The following CDH19 variants were observed in gnomAD, a reference collection of about 807,000 sequenced individuals.
CDH19 encodes cadherin 19.
A neutral mutation model predicts 64.2 loss-of-function variants in CDH19; 67 were observed. That is an observed-to-expected ratio of 1.04 (90% CI 0.86 to 1.28). CDH19 has a LOEUF of 1.28. Among genes scored for constraint, CDH19 ranks in the 50% most tolerant of loss-of-function variants. The pLI is 0.00. For synonymous variants in CDH19, 346 were observed against 319.3 expected (o/e 1.08, Z -0.89); for missense variants, 1,030 against 929.0 (o/e 1.11, Z -1.41).
intron 7 of CDH19, among the ~76,000 whole-genome samples, chr18:66,541,300 T>C (rs1986876548): frequency 6.6e-6 from 1 of 152,112 alleles, no homozygotes; most frequent in Non-Finnish European, 1.5e-5. Flanking sequence ...TTAGTGTTTC[T>C]CCCACAACAA....
intron 3 of CDH19, among the ~76,000 whole-genome samples, chr18:66,565,030 A>G (rs1184936984): frequency 2.6e-5 from 4 of 151,816 alleles, no homozygotes; most frequent in Non-Finnish European, 2.9e-5. Context: ...AACTATTCTA[A>G]TCACTTATTT....
chr18:66,533,515 T>G (rs1026756968), intron 8 of CDH19, among the ~76,000 whole-genome samples: 5 of 152,066 alleles, frequency 3.3e-5, no homozygotes, highest in Non-Finnish European at 7.4e-5. Context: ...AATAAGAAAT[T>G]CATAATGTTT....
chr18:66,562,693 T>C (rs1374842069), intron 3 of CDH19, among the ~76,000 whole-genome samples: 4 of 152,134 alleles, frequency 2.6e-5, no homozygotes, highest in Non-Finnish European at 5.9e-5. Context: ...GATATATTTT[T>C]CATTTTTATG....
chr18:66,559,343 G>C (rs1387620910), intron 3 of CDH19, among the ~76,000 whole-genome samples: 1 of 151,848 alleles, frequency 6.6e-6, no homozygotes, highest in African/African-American at 2.4e-5. Flanking sequence ...TTTAAGCCTT[G>C]ACAGTAATTA....
At chr18:66,545,281 A>C (rs1489439293) in intron 5 of CDH19, among the ~76,000 whole-genome samples, 3 of 151,900 alleles carry the variant, frequency 2.0e-5, no homozygotes, top group Non-Finnish European at 4.4e-5. Flanking sequence ...CCGGGTCGCA[A>C]TTGTAGCATT....
At chr18:66,569,746 T>C (rs1014214993) in intron 2 of CDH19, among the ~76,000 whole-genome samples, 15 of 151,800 alleles carry the variant, frequency 9.9e-5, no homozygotes, top group Admixed American at 4.6e-4. Flanking sequence ...GGTTCCCTAA[T>C]CATTGTGAAT....
intron 2 of CDH19, among the ~76,000 whole-genome samples, chr18:66,570,087 G>A (rs1203724005): frequency 6.6e-6 from 1 of 151,548 alleles, no homozygotes; most frequent in African/African-American, 2.4e-5. Context: ...ATGCGATGAT[G>A]TAAGAAATTG....
chr18:66,510,738 C>T (rs912206335), intron 10 of CDH19, among the ~76,000 whole-genome samples: 1 of 151,120 alleles, frequency 6.6e-6, no homozygotes, highest in Admixed American at 6.6e-5. Flanking sequence ...TTGTCTGAAA[C>T]ATATTTGAGT....
chr18:66,535,013 T>C lies in CDH19; in HGVS notation c.1309A>G (p.Asn437Asp). The change falls in exon 8 of 12, where the codon AAC (asparagine) becomes GAC (aspartate). Residue 437 changes from asparagine (N) to aspartate (D), a missense_variant. By Grantham distance (23) the Asn-to-Asp change is conservative. Transcript: ENST00000262150. ...TTTTCTGTGGCTGTAATACTTAGGT[T>C]GTACCAAGCACTGATTTCACGATCC... is the stretch of plus-strand genomic sequence containing the variant. ...SLDREISAWY[N>D]LSITATEKYN... 1 of 1,496,214 alleles carries C rather than the reference T, an allele frequency of 6.7e-7. No individual in the cohort carries two copies. Among genetic ancestry groups the C allele is most frequent in the South Asian group, 1.4e-5 (1 of 72,866 alleles). 92.7% of individuals were successfully genotyped at this position (1,496,214 alleles called of 1,614,324 possible). A position where few individuals can be genotyped will look rare whatever the true frequency, so the allele number is the denominator to read the frequency against.
chr18:66,537,046 T>C (rs1490649649), intron 7 of CDH19, among the ~76,000 whole-genome samples: 1 of 151,978 alleles, frequency 6.6e-6, no homozygotes, highest in East Asian at 1.9e-4. Context: ...ACAGCATTTC[T>C]ACATGCTCTT....
At chr18:66,588,279 G>T (rs906250794) in intron 1 of CDH19, among the ~76,000 whole-genome samples, 1 of 152,074 alleles carries the variant, frequency 6.6e-6, no homozygotes, top group African/African-American at 2.4e-5. Flanking sequence ...GGGTTTCTGG[G>T]ATAGGCTCCT....
intron 1 of CDH19, among the ~76,000 whole-genome samples, chr18:66,599,064 T>A (rs1449547590): frequency 6.6e-6 from 1 of 152,146 alleles, no homozygotes; most frequent in Admixed American, 6.5e-5. Flanking sequence ...ATTGTATCAC[T>A]TGTTTTATAT....
intron 8 of CDH19, among the ~76,000 whole-genome samples, chr18:66,533,901 T>C (rs1322028839): frequency 6.6e-6 from 1 of 152,038 alleles, no homozygotes; most frequent in Non-Finnish European, 1.5e-5. Flanking sequence ...GAAGCTTAAA[T>C]GGTCAAGCCT....
At chr18:66,555,295 T>C (rs1987477626) in intron 3 of CDH19, among the ~76,000 whole-genome samples, 1 of 151,796 alleles carries the variant, frequency 6.6e-6, no homozygotes, top group Non-Finnish European at 1.5e-5. Context: ...TGAAACACTG[T>C]TTACTGTGTC....
Position 66,522,338 on chromosome 18 carries a change from G to A in CDH19, c.1458+7507C>T, listed in dbSNP as rs183057597. 1.6e-3 allele frequency among the ~76,000 whole-genome samples: 242 copies of A among 152,116 alleles called. 2 individuals carry two copies. Among genetic ancestry groups the A allele is most frequent in the Non-Finnish European group, 2.1e-3 (142 of 68,000 alleles). Reference sequence around the variant, plus strand: ...GCTCACTGCAACCTCCACCTCCCAAGTTCAAGTGATTCTCCTGCCTCAGCC... The same window carrying A: ...GCTCACTGCAACCTCCACCTCCCAAATTCAAGTGATTCTCCTGCCTCAGCC... On this transcript the variant is annotated intron_variant, in intron 9 of 11. Coordinates refer to ENST00000262150, the MANE Select transcript of CDH19 (RefSeq NM_021153.4).
intron 7 of CDH19, among the ~76,000 whole-genome samples, chr18:66,540,631 C>T (rs1986852033): frequency 2.0e-5 from 3 of 152,068 alleles, no homozygotes; most frequent in Non-Finnish European, 4.4e-5. Context: ...CTTGAGAGAG[C>T]TATCTGGGTT....
chr18:66,569,047 C>T (rs562905614), intron 2 of CDH19, among the ~76,000 whole-genome samples: 1 of 151,614 alleles, frequency 6.6e-6, no homozygotes, highest in South Asian at 2.1e-4. Context: ...AAACTATACT[C>T]TCAAATATTT....
chr18:66,525,161 T>C (rs1453233084), intron 9 of CDH19, among the ~76,000 whole-genome samples: 1 of 152,184 alleles, frequency 6.6e-6, no homozygotes, highest in Admixed American at 6.5e-5. Context: ...AATAGAATGC[T>C]CTTCAGAGTT....
chr18:66,594,146 A>G (rs1310492736), intron 1 of CDH19, among the ~76,000 whole-genome samples: 1 of 152,160 alleles, frequency 6.6e-6, no homozygotes, highest in Non-Finnish European at 1.5e-5. Context: ...CAAAACAGAC[A>G]ACTATCAAAA....
Sources: gnomAD v4.1 joint callset for allele counts (sites outside exome capture counted in the v4.1 genomes callset) on GRCh38, gnomAD v4.1.1 for gene constraint, MANE v1.5 for transcripts, NCBI Gene and HGNC (gene_info 2026-07-23, HGNC 2026-07-21) for gene names.